The following ATRN variants were observed in gnomAD, a reference collection of about 807,000 sequenced individuals.
The protein encoded by ATRN is attractin, also known as attractin-2.
Under a neutral mutation model 178.7 loss-of-function variants are expected in ATRN, and 54 were observed. That is an observed-to-expected ratio of 0.30 (90% CI 0.24 to 0.38). ATRN has a LOEUF of 0.38. ATRN is among the 10% of genes least tolerant of loss of function. The pLI, the probability that ATRN is intolerant of heterozygous loss-of-function variation, is 1.00. For synonymous variants in ATRN, 636 were observed against 663.0 expected, an observed-to-expected ratio of 0.96 and a Z score of 0.63; for missense variants, 1,443 against 1,815.1, an observed-to-expected ratio of 0.79 and a Z score of 3.73.
chr20:3,520,108 AAT>A (rs1288238487), intron 1 of ATRN, among the ~76,000 whole-genome samples: 1 of 152,182 alleles, frequency 6.6e-6, no homozygotes, highest in Non-Finnish European at 1.5e-5. Flanking sequence ...TTGGGCTGGG[AAT>A]ATATAAGTGC....
intron 1 of ATRN, among the ~76,000 whole-genome samples, chr20:3,509,497 A>ATTT (rs34739669): frequency 4.9e-5 from 7 of 143,794 alleles, no homozygotes; most frequent in African/African-American, 1.8e-4. Flanking sequence ...CATGTTAACA[A>ATTT]TTTTTTTTTT....
rs770157539 is a variant in ATRN, at chr20:3,596,372, C to CT, written c.3417-5_3417-4insT. The CT allele has an allele frequency of 1.2e-6, 2 of 1,612,004 alleles. No homozygotes were observed. The highest frequency in any genetic ancestry group is 8.5e-7 in the Non-Finnish European group (1 of 1,178,546). On this transcript the variant is annotated splice_region_variant and splice_polypyrimidine_tract_variant and intron_variant, in intron 20 of 28. Coordinates refer to ENST00000262919, the MANE Select transcript of ATRN (RefSeq NM_139321.3). ...CAGTATAAAATAGTCTTTTTTCCCC[C>CT]CCAGATGTGAGGTAGAAAATCGATA...
Position 3,526,561 on chromosome 20 carries a change from T to C in ATRN, c.411-8692T>C, listed in dbSNP as rs2085367989. Among the ~76,000 whole-genome samples the C allele has an allele frequency of 2.6e-5, 4 of 152,318 alleles. No individual in the cohort carries two copies. In the South Asian group the frequency reaches 6.2e-4, roughly 24 times the overall value. On this transcript the variant is annotated intron_variant, in intron 1 of 28. Transcript: ENST00000262919. ...ATCCCCATCAAGCTACCATTGACTT[T>C]CTTCACAGAATTAGAAAAAACTACT...
chr20:3,539,002 T>A (rs1600087775), intron 2 of ATRN, among the ~76,000 whole-genome samples: 3 of 152,344 alleles, frequency 2.0e-5, no homozygotes, highest in East Asian at 3.9e-4. Context: ...TCTCCAAAGC[T>A]TACTGGCCTA....
intron 25 of ATRN, among the ~76,000 whole-genome samples, chr20:3,631,757 C>G (rs1252071071): frequency 6.6e-6 from 1 of 152,232 alleles, no homozygotes; most frequent in Non-Finnish European, 1.5e-5. Context: ...GCAGCAGCGG[C>G]AGGCTCTTGA....
intron 11 of ATRN, 70 bp from the exon 12 acceptor site, chr20:3,572,661 A>C: frequency 7.1e-7 from 1 of 1,411,488 alleles, no homozygotes; most frequent in Non-Finnish European, 9.7e-7. Flanking sequence ...TTAAAAAAAA[A>C]AAAAAAAGTA....
At chr20:3,507,003 A>G (rs2085053650) in intron 1 of ATRN, among the ~76,000 whole-genome samples, 1 of 152,074 alleles carries the variant, frequency 6.6e-6, no homozygotes, top group African/African-American at 2.4e-5. Context: ...AAAGGAATGA[A>G]AAATACTAGG....
intron 15 of ATRN, 45 bp from the exon 16 acceptor site, chr20:3,582,086 TAAAA>T: frequency 6.5e-7 from 1 of 1,534,068 alleles, no homozygotes; most frequent in Non-Finnish European, 9.0e-7. Flanking sequence ...AAATTTAAAT[TAAAA>T]AAAGATACTA....
chr20:3,610,880 G>A (rs1458756181), intron 24 of ATRN, among the ~76,000 whole-genome samples: 1 of 150,634 alleles, frequency 6.6e-6, no homozygotes, highest in Non-Finnish European at 1.5e-5. Context: ...ACAGACATGA[G>A]CCGTTGCGCC....
chr20:3,563,447 C>A, intron 10 of ATRN, 84 bp downstream of exon 10: 2 of 1,395,320 alleles, frequency 1.4e-6, no homozygotes, highest in Admixed American at 2.0e-5. Flanking sequence ...GAAAATATTG[C>A]CAGTTCAAAA....
chr20:3,638,292 C>T lies in ATRN; in HGVS notation c.3943-536C>T, dbSNP rs547427678. Among the ~76,000 whole-genome samples the T allele has an allele frequency of 4.2e-4, 64 of 152,160 alleles. No homozygotes were observed. Among genetic ancestry groups the T allele is most frequent in the African/African-American group, 1.5e-3 (61 of 41,506 alleles). ...ATGCTCTCCCTCCCCTTGCTCCCCA[C>T]CCCTGACAGGCCCCAGTGTGTGATG... is the stretch of plus-strand genomic sequence containing the variant. On this transcript the variant is annotated intron_variant, in intron 26 of 28. Coordinates refer to ENST00000262919, the MANE Select transcript of ATRN (RefSeq NM_139321.3). This position sits in a 1 kb window ranked among gnomAD's most constrained non-coding sequence, Gnocchi z 4.5.
intron 1 of ATRN, among the ~76,000 whole-genome samples, chr20:3,531,154 T>A (rs2085448615): frequency 6.6e-6 from 1 of 152,190 alleles, no homozygotes; most frequent in African/African-American, 2.4e-5. Context: ...TCTTTCAAAT[T>A]CCTTTAAACT....
chr20:3,530,226 T>C (rs1314225994), intron 1 of ATRN, among the ~76,000 whole-genome samples: 1 of 147,702 alleles, frequency 6.8e-6, no homozygotes, highest in Non-Finnish European at 1.5e-5. Flanking sequence ...TTTATATATA[T>C]ATATAATATA....
intron 4 of ATRN, 25 bp downstream of exon 4, chr20:3,545,915 G>A: frequency 6.2e-7 from 1 of 1,608,404 alleles, no homozygotes; most frequent in Middle Eastern, 1.7e-4. Flanking sequence ...TCTAGTATTT[G>A]TGATTTCATT....
At chr20:3,547,874 G>T (rs1239237767) in intron 5 of ATRN, among the ~76,000 whole-genome samples, 2 of 69,230 alleles carry the variant, frequency 2.9e-5, no homozygotes, top group Middle Eastern at 6.8e-3. Flanking sequence ...AATCTTAAAG[G>T]AGTTAGCTAA....
intron 21 of ATRN, among the ~76,000 whole-genome samples, chr20:3,597,237 C>G (rs1446820726): frequency 6.6e-6 from 1 of 151,840 alleles, no homozygotes; most frequent in African/African-American, 2.4e-5. Flanking sequence ...TAAAAAGCCA[C>G]AGACTAGAGA....
Position 3,645,703 on chromosome 20 carries a change from A to G in ATRN, c.4166-1020A>G, listed in dbSNP as rs2087102389. On this transcript the variant is annotated intron_variant, in intron 28 of 28. Transcript: ENST00000262919. The surrounding 1 kb of genome is among the most constrained non-coding windows in gnomAD (Gnocchi z 4.7). ...CCTGTTTTAAGTGGTGCCCTTTTCTAGGCTCCCAGAGCATTCCCCACTGTG... is the reference window on the plus strand; with the variant it reads ...CCTGTTTTAAGTGGTGCCCTTTTCTGGGCTCCCAGAGCATTCCCCACTGTG... 6.6e-6 allele frequency among the ~76,000 whole-genome samples: 1 copy of G among 151,958 alleles called. No individual in the cohort carries two copies. Among genetic ancestry groups the G allele is most frequent in the African/African-American group, 2.4e-5 (1 of 41,346 alleles).
chr20:3,581,393 G>C (rs1218850570), intron 15 of ATRN, among the ~76,000 whole-genome samples: 1 of 152,192 alleles, frequency 6.6e-6, no homozygotes, highest in Non-Finnish European at 1.5e-5. Context: ...GAAATTTCAG[G>C]AGAGCAGAAG....
intron 24 of ATRN, among the ~76,000 whole-genome samples, chr20:3,607,301 A>G (rs557529265): frequency 2.6e-5 from 4 of 152,220 alleles, no homozygotes; most frequent in African/African-American, 9.6e-5. Flanking sequence ...ATTGCTAACT[A>G]TAGTCATAAT....
Sources: allele counts gnomAD v4.1 joint callset (sites outside exome capture counted in the v4.1 genomes callset), GRCh38; gene constraint gnomAD v4.1.1; non-coding constraint Gnocchi (gnomAD v3.1); transcripts MANE v1.5; gene names NCBI Gene and HGNC (gene_info 2026-07-23, HGNC 2026-07-21).